Variants in COMT observed in about 807,000 individuals in gnomAD.
The protein encoded by COMT is catechol-O-methyltransferase, also known as catechol O-methyltransferase.
In COMT, 13 loss-of-function variants were observed where a neutral mutation model predicts 18.9. The observed-to-expected ratio is 0.69, with a 90% confidence interval of 0.45 to 1.09. COMT has a LOEUF of 1.09. Ranked by LOEUF, COMT falls within the 50% of genes least tolerant of loss-of-function variation. The pLI, the probability that COMT is intolerant of heterozygous loss-of-function variation, is 0.00. For missense variants in COMT, 329 were observed against 361.8 expected (o/e 0.91, Z 0.73); for synonymous variants, 150 against 160.9 (o/e 0.93, Z 0.51).
intron 1 of COMT, among the ~76,000 whole-genome samples, chr22:19,958,414 C>T (rs932325452): frequency 1.3e-5 from 2 of 151,908 alleles, no homozygotes; most frequent in African/African-American, 2.4e-5. Flanking sequence ...ATCCTCCCAT[C>T]CCAACCTCCC....
chr22:19,955,897 G>GTCTCCTGAGC (rs1942046667), intron 1 of COMT, among the ~76,000 whole-genome samples: 1 of 152,204 alleles, frequency 6.6e-6, no homozygotes, highest in East Asian at 1.9e-4. Context: ...ACAACCTGAG[G>GTCTCCTGAGC]TCTCCTGAGC....
rs35558779 is a variant in COMT, at chr22:19,944,416, T to C, written c.-92+2519T>C. On this transcript the variant is annotated intron_variant, in intron 1 of 5. Coordinates refer to ENST00000361682, the MANE Select transcript of COMT (RefSeq NM_000754.4). ...ACAAAACATTAGCCGGGCGTGGTGG[T>C]GCACTCAGGAGGCTGAGGCGGGATA... Among the ~76,000 whole-genome samples the C allele has an allele frequency of 3.1e-3, 476 of 152,034 alleles. 2 individuals are homozygous for C. Among genetic ancestry groups the C allele is most frequent in the South Asian group, 0.018 (88 of 4,802 alleles).
Position 19,962,671 on chromosome 22 carries a change from C to T in COMT, c.145C>T (p.Leu49=). The T allele has an allele frequency of 6.2e-7, 1 of 1,613,190 alleles. No individual in the cohort carries two copies. The highest frequency in any genetic ancestry group is 8.5e-7 in the Non-Finnish European group (1 of 1,179,858). ...NEFILQPIHN[L]LMGDTKEQRI... is the part of the protein sequence containing the mutation. ...GTTCATCCTGCAGCCCATCCACAAC[C>T]TGCTCATGGGTGACACCAAGGAGCA... Residue 49 remains leucine (L), a synonymous_variant, in exon 3 of 6, where the codon CTG becomes TTG. Transcript: ENST00000361682.
intron 5 of COMT, chr22:19,967,425 T>C (rs1321788976): frequency 4.3e-6 from 2 of 470,206 alleles, no homozygotes; most frequent in Admixed American, 4.7e-5. Context: ...AAACACATCA[T>C]GATTCATGGT....
In COMT at chr22:19,963,568, A is replaced by T. The variant is rs1462976371; in HGVS notation, c.292A>T (p.Lys98Ter). Residue 98 changes from lysine to a stop codon, truncating the protein, a stop_gained and splice_region_variant, in exon 4 of 6, where the codon AAG (lysine) becomes TAG (stop). Transcript: ENST00000361682. LOFTEE classifies it high-confidence loss of function. The stretch of plus-strand genomic sequence containing the variant: ...CCTCCGTCCCCAACCCTGCACAGGC[A>T]AGATCGTGGACGCCGTGATTCAGGA... ...WAMNVGDKKG[K>*]IVDAVIQEHQ... is the part of the protein sequence containing the mutation. The T allele has an allele frequency of 6.2e-7, 1 of 1,611,920 alleles. No homozygotes were observed. Among genetic ancestry groups the T allele is most frequent in the African/African-American group, 1.3e-5 (1 of 74,906 alleles).
chr22:19,956,585 C>T (rs1942069669), intron 1 of COMT, among the ~76,000 whole-genome samples: 1 of 152,056 alleles, frequency 6.6e-6, no homozygotes, highest in Non-Finnish European at 1.5e-5. Context: ...ACCATATTGG[C>T]CAGGCTGATC....
At chr22:19,957,837 T>G (rs762755439) in intron 1 of COMT, among the ~76,000 whole-genome samples, 15 of 152,208 alleles carry the variant, frequency 9.9e-5, no homozygotes, top group Non-Finnish European at 1.9e-4. Context: ...GTGCAGAAGG[T>G]TCATCCATTT....
chr22:19,963,998 TG>T, intron 4 of COMT, 169 bp from the exon 5 acceptor site: 1 of 1,361,942 alleles, frequency 7.3e-7, no homozygotes, highest in Non-Finnish European at 1.0e-6. Context: ...AGGGACAGAG[TG>T]GGGCCTTGTC....
Position 19,941,885 on chromosome 22 carries a change from C to T in COMT, c.-104C>T, listed in dbSNP as rs999719142. Reference sequence around the variant, plus strand: ...GGGGCGGGTCCAGTCCCGGGCGGGCCGTCGCGGGAGAGGTGAGAGCGCTGG... The same window carrying T: ...GGGGCGGGTCCAGTCCCGGGCGGGCTGTCGCGGGAGAGGTGAGAGCGCTGG... On this transcript the variant is annotated 5_prime_UTR_variant, in exon 1 of 6. Transcript: ENST00000361682. 6 of 1,364,514 alleles carry T rather than the reference C, an allele frequency of 4.4e-6. No homozygotes were observed. The highest frequency in any genetic ancestry group is 1.6e-5 in the South Asian group (1 of 60,996). 84.5% of individuals were successfully genotyped at this position (1,364,514 alleles called of 1,614,324 possible).
At chr22:19,963,136 G>A (rs567122533) in intron 3 of COMT, among the ~76,000 whole-genome samples, 7 of 152,218 alleles carry the variant, frequency 4.6e-5, no homozygotes, top group Middle Eastern at 3.4e-3. Flanking sequence ...TCCTGGGCCC[G>A]CCTCCCGCTT....
intron 1 of COMT, among the ~76,000 whole-genome samples, chr22:19,952,636 C>T (rs1447203039): frequency 6.8e-6 from 1 of 147,312 alleles, no homozygotes; most frequent in Non-Finnish European, 1.5e-5. Flanking sequence ...AAGACTCCGT[C>T]TCAAAACAAA....
intron 1 of COMT, among the ~76,000 whole-genome samples, chr22:19,945,189 G>A (rs1222331193): frequency 1.3e-5 from 2 of 152,130 alleles, no homozygotes; most frequent in African/African-American, 4.8e-5. Flanking sequence ...TATAGATTTG[G>A]GTGAATTCCT....
rs1446019545 is a variant in COMT at position 19,969,654 on chromosome 22, C to G, written c.*918C>G. On this transcript the variant is annotated 3_prime_UTR_variant, in exon 6 of 6. Coordinates refer to ENST00000361682, the MANE Select transcript of COMT (RefSeq NM_000754.4). ...CCGAGACCAGCCCCTAGCCAAGATT[C>G]TACTCCTGGGCTCAAGGCCTGGCTA... is the stretch of plus-strand genomic sequence containing the variant. The G allele has an allele frequency of 5.6e-6, 1 of 180,058 alleles. No individual in the cohort carries two copies. Among genetic ancestry groups the G allele is most frequent in the Non-Finnish European group, 1.1e-5 (1 of 93,716 alleles). The allele number at this position is 180,058 out of a possible 1,614,324, so 11.2% of individuals were successfully genotyped here.
chr22:19,952,267 T>G (rs1941954837), intron 1 of COMT, among the ~76,000 whole-genome samples: 1 of 151,756 alleles, frequency 6.6e-6, no homozygotes, highest in Non-Finnish European at 1.5e-5. Context: ...ATTGCACCAC[T>G]GCACTCCAGC....
intron 1 of COMT, among the ~76,000 whole-genome samples, chr22:19,955,505 C>T (rs1683718400): frequency 1.3e-5 from 2 of 152,278 alleles, no homozygotes; most frequent in Non-Finnish European, 2.9e-5. Flanking sequence ...CAGTTCCAGC[C>T]TTTGCTGGGG....
chr22:19,953,072 C>T (rs555373780), intron 1 of COMT, among the ~76,000 whole-genome samples: 83 of 152,298 alleles, frequency 5.4e-4, no homozygotes, highest in Non-Finnish European at 7.5e-4. Flanking sequence ...GAGGCTCAGC[C>T]GAGAAACGTG....
chr22:19,958,722 C>CAAA (rs361549), intron 1 of COMT, among the ~76,000 whole-genome samples: 6 of 87,216 alleles, frequency 6.9e-5, no homozygotes, highest in African/African-American at 9.4e-5. Context: ...CCATCTCTAC[C>CAAA]AAAAAAAAAA....
intron 5 of COMT, chr22:19,966,852 G>A (rs1437259653): frequency 1.3e-6 from 1 of 780,038 alleles, no homozygotes; most frequent in East Asian, 1.3e-4. Context: ...ACTCTTGAAG[G>A]GAGGAGAGTC....
intron 1 of COMT, among the ~76,000 whole-genome samples, chr22:19,957,978 AT>A (rs1401001037): frequency 6.6e-6 from 1 of 152,114 alleles, no homozygotes; most frequent in Non-Finnish European, 1.5e-5. Context: ...CCTGTTGGCC[AT>A]TGTGGATGAT....
Sources: allele counts gnomAD v4.1 joint callset (sites outside exome capture counted in the v4.1 genomes callset), GRCh38; gene constraint gnomAD v4.1.1; transcripts MANE v1.5; gene names NCBI Gene and HGNC (gene_info 2026-07-23, HGNC 2026-07-21).